Variants in ASTN2 observed in about 807,000 individuals in gnomAD.
The protein encoded by ASTN2 is astrotactin-2.
Under a neutral mutation model 139.8 loss-of-function variants are expected in ASTN2, and 54 were observed. The ratio of observed to expected loss-of-function variants is 0.39; its 90% confidence interval spans 0.31 to 0.48. The LOEUF is 0.48. Ranked by LOEUF, ASTN2 falls within the 20% of genes least tolerant of loss-of-function variation. ASTN2 has a pLI of 0.95. For missense variants in ASTN2, 1,565 were observed against 1,725.1 expected (o/e 0.91, Z 1.64); for synonymous variants, 756 against 719.5 (o/e 1.05, Z -0.81).
intron 3 of ASTN2, among the ~76,000 whole-genome samples, chr9:117,184,225 A>G (rs1831143206): frequency 6.6e-6 from 1 of 152,178 alleles, no homozygotes; most frequent in South Asian, 2.1e-4. Context: ...CCTCTGTAGC[A>G]TACTGCCTCC....
rs548475122 is a variant in ASTN2 at position 117,259,915 on chromosome 9, T to C, written c.630+31411A>G. ...TCACAGATGCAAATTATTAAAATGATGACTGTGAAAGTGACTTTAACAGAA... is the reference window on the plus strand; with the variant it reads ...TCACAGATGCAAATTATTAAAATGACGACTGTGAAAGTGACTTTAACAGAA... On this transcript the variant is annotated intron_variant, in intron 2 of 22. Transcript: ENST00000313400. Among the ~76,000 whole-genome samples, 7 of 152,324 alleles carry C rather than the reference T, an allele frequency of 4.6e-5. No individual in the cohort carries two copies. In the South Asian group the frequency reaches 1.4e-3, roughly 32 times the overall value.
At chr9:117,206,064 T>C (rs1478165713) in intron 3 of ASTN2, among the ~76,000 whole-genome samples, 1 of 152,144 alleles carries the variant, frequency 6.6e-6, no homozygotes, top group Non-Finnish European at 1.5e-5. Flanking sequence ...GTCAGCAAGA[T>C]GCATGATAAG....
chr9:116,915,807 C>T (rs1834429810), intron 10 of ASTN2, among the ~76,000 whole-genome samples: 1 of 152,150 alleles, frequency 6.6e-6, no homozygotes, highest in Non-Finnish European at 1.5e-5. Context: ...TTAGAATAAA[C>T]CAGTAAAAAT....
At chr9:117,024,641 G>C (rs542909373) in intron 6 of ASTN2, among the ~76,000 whole-genome samples, 9 of 152,224 alleles carry the variant, frequency 5.9e-5, no homozygotes, top group African/African-American at 2.2e-4. Flanking sequence ...TGGGCACACA[G>C]AGCAGGGATG....
At chr9:117,338,269 A>G (rs1828950905) in intron 1 of ASTN2, among the ~76,000 whole-genome samples, 2 of 152,134 alleles carry the variant, frequency 1.3e-5, no homozygotes, top group South Asian at 4.2e-4. Context: ...CTCGTGCTCA[A>G]TATAACCTCA....
intron 3 of ASTN2, chr9:117,197,531 G>A (rs1831545986): frequency 6.6e-6 from 1 of 152,182 alleles, no homozygotes; most frequent in Non-Finnish European, 1.5e-5. Context: ...AATGATATAT[G>A]TGGATGAGAT....
At chr9:116,619,790 A>G (rs978456293) in intron 18 of ASTN2, among the ~76,000 whole-genome samples, 17 of 145,814 alleles carry the variant, frequency 1.2e-4, no homozygotes, top group African/African-American at 4.4e-4. Flanking sequence ...CTCACCTCCT[A>G]AAGTGCAGGG....
chr9:116,616,723 G>C (rs1855874004), intron 19 of ASTN2, among the ~76,000 whole-genome samples: 1 of 151,748 alleles, frequency 6.6e-6, no homozygotes, highest in Non-Finnish European at 1.5e-5. Context: ...CATTTCCCTT[G>C]GTTATCTGTG....
At chr9:117,169,963 G>A (rs1225193169) in intron 3 of ASTN2, among the ~76,000 whole-genome samples, 1 of 152,056 alleles carries the variant, frequency 6.6e-6, no homozygotes, top group Admixed American at 6.6e-5. Flanking sequence ...GCAGCTCTGG[G>A]ATCTGGCTAT....
intron 15 of ASTN2, among the ~76,000 whole-genome samples, chr9:116,726,530 TC>T (rs1828628528): frequency 6.6e-6 from 1 of 152,204 alleles, no homozygotes; most frequent in Non-Finnish European, 1.5e-5. Flanking sequence ...ATGGCTGGAA[TC>T]CTAAGGCTGC....
chr9:116,694,387 T>A (rs803936), intron 16 of ASTN2, among the ~76,000 whole-genome samples: 11 of 151,448 alleles, frequency 7.3e-5, no homozygotes, highest in African/African-American at 2.7e-4. Context: ...TTGTCCCAGA[T>A]GATAGAAGAG....
At chr9:116,703,074 A>C (rs188992628) in intron 16 of ASTN2, among the ~76,000 whole-genome samples, 1 of 151,756 alleles carries the variant, frequency 6.6e-6, no homozygotes, top group East Asian at 1.9e-4. Context: ...ACAATGGTTG[A>C]ACTAGTTTAC....
At chr9:117,163,498 G>T (rs1296034361) in intron 3 of ASTN2, among the ~76,000 whole-genome samples, 3 of 152,038 alleles carry the variant, frequency 2.0e-5, no homozygotes, top group African/African-American at 4.8e-5. Context: ...AGCATACTGG[G>T]TTACAACTTT....
intron 19 of ASTN2, among the ~76,000 whole-genome samples, chr9:116,530,722 T>C (rs761602565): frequency 6.6e-6 from 1 of 152,178 alleles, no homozygotes; most frequent in Non-Finnish European, 1.5e-5. Flanking sequence ...CTCTTCAATA[T>C]GAGAATAACC....
chr9:116,673,005 G>C (rs1391198343), intron 16 of ASTN2, among the ~76,000 whole-genome samples: 1 of 152,202 alleles, frequency 6.6e-6, no homozygotes, highest in Non-Finnish European at 1.5e-5. Flanking sequence ...GGAACATAAG[G>C]CTGATTCCCA....
At position 117,214,275 on chromosome 9, in the gene ASTN2, G is replaced by C. The variant is rs1410549044; in HGVS notation, c.1015+83C>G. 1.6e-5 allele frequency: 24 copies of C among 1,477,836 alleles called. No homozygotes were observed. In the East Asian group the frequency reaches 3.5e-4, roughly 21 times the overall value. The allele number at this position is 1,477,836 out of a possible 1,614,324, so 91.5% of individuals were successfully genotyped here. A position where few individuals can be genotyped will look rare whatever the true frequency, so the allele number is the denominator to read the frequency against. ...CTTATCCCAGAAAACACTGCCTGTA[G>C]TCCCCAACTGCCCAGCTTCTGCACC... On this transcript the variant is annotated intron_variant, in intron 3 of 22. Coordinates refer to ENST00000313400, the MANE Select transcript of ASTN2 (RefSeq NM_001365068.1).
At chr9:116,844,480 C>A (rs375398007) in intron 11 of ASTN2, among the ~76,000 whole-genome samples, 51 of 152,262 alleles carry the variant, frequency 3.3e-4, no homozygotes, top group African/African-American at 1.2e-3. Context: ...GCTTGAATCC[C>A]ACCTGTCTTT....
At chr9:117,385,918 G>A (rs773002237) in intron 1 of ASTN2, among the ~76,000 whole-genome samples, 35 of 152,092 alleles carry the variant, frequency 2.3e-4, no homozygotes, top group Non-Finnish European at 4.1e-4. Context: ...GTGGCAGCAG[G>A]GAATGCCCAG....
intron 1 of ASTN2, among the ~76,000 whole-genome samples, chr9:117,311,257 G>A (rs957823068): frequency 6.7e-6 from 1 of 148,592 alleles, no homozygotes; most frequent in Admixed American, 6.7e-5. Context: ...GCTACTTTAC[G>A]AGAAGACATG....
Sources: gnomAD v4.1 joint callset for allele counts (sites outside exome capture counted in the v4.1 genomes callset) on GRCh38, gnomAD v4.1.1 for gene constraint, MANE v1.5 for transcripts, NCBI Gene and HGNC (gene_info 2026-07-23, HGNC 2026-07-21) for gene names.